KCNC2: variants seen among roughly 807,000 people sequenced by gnomAD.
KCNC2 encodes voltage-gated potassium channel KCNC2.
A neutral mutation model predicts 44.5 loss-of-function variants in KCNC2; 21 were observed. The observed-to-expected ratio is 0.47, with a 90% CI of 0.33 to 0.68. KCNC2 has a LOEUF of 0.68. KCNC2 is among the 30% of genes least tolerant of loss of function. The probability of loss-of-function intolerance (pLI) is 0.01; values close to 1 mark genes in which losing one functional copy is unlikely to be tolerated. For synonymous variants in KCNC2, 391 were observed against 339.1 expected (o/e 1.15, Z -1.68); for missense variants, 589 against 826.2 (o/e 0.71, Z 3.52).
At chr12:75,142,453 A>C (rs1032483399) in intron 2 of KCNC2, among the ~76,000 whole-genome samples, 1 of 152,220 alleles carries the variant, frequency 6.6e-6, no homozygotes, top group African/African-American at 2.4e-5. Flanking sequence ...GGTGTCACTG[A>C]TAACTATCAT....
chr12:75,104,063 C>A (rs1028644401), intron 2 of KCNC2, among the ~76,000 whole-genome samples: 1 of 147,692 alleles, frequency 6.8e-6, no homozygotes, highest in Non-Finnish European at 1.5e-5. Flanking sequence ...ATCATCGAGC[C>A]ATGACAATGT....
intron 2 of KCNC2, among the ~76,000 whole-genome samples, chr12:75,150,972 A>G (rs1890350099): frequency 6.6e-6 from 1 of 151,890 alleles, no homozygotes; most frequent in Non-Finnish European, 1.5e-5. Flanking sequence ...ATCTGCTTCC[A>G]TTAGTATGGT....
At chr12:75,160,444 T>C (rs1161663994) in intron 2 of KCNC2, among the ~76,000 whole-genome samples, 3 of 151,804 alleles carry the variant, frequency 2.0e-5, no homozygotes, top group Non-Finnish European at 4.4e-5. Flanking sequence ...AAACAGGCAA[T>C]GATGTCAATA....
At chr12:75,064,061 A>C (rs1297357863) in intron 2 of KCNC2, among the ~76,000 whole-genome samples, 1 of 152,126 alleles carries the variant, frequency 6.6e-6, no homozygotes, top group Admixed American at 6.6e-5. Flanking sequence ...ATGAGAATAC[A>C]ATGAAAAGAT....
At chr12:75,148,971 G>A (rs1461710911) in intron 2 of KCNC2, among the ~76,000 whole-genome samples, 1 of 150,342 alleles carries the variant, frequency 6.7e-6, no homozygotes, top group Non-Finnish European at 1.5e-5. Flanking sequence ...ATGTAAATGA[G>A]TGTGAGCATC....
intron 2 of KCNC2, among the ~76,000 whole-genome samples, chr12:75,101,531 A>T (rs1300744203): frequency 6.6e-6 from 1 of 152,136 alleles, no homozygotes; most frequent in Non-Finnish European, 1.5e-5. Flanking sequence ...GAGCATAAAG[A>T]AACCTTGATT....
chr12:75,050,555 T>C lies in KCNC2; in HGVS notation c.1450A>G (p.Met484Val). 1 of 1,613,646 alleles carries C rather than the reference T, an allele frequency of 6.2e-7. No individual in the cohort carries two copies. Among genetic ancestry groups the C allele is most frequent in the Non-Finnish European group, 8.5e-7 (1 of 1,179,808 alleles). The change falls in exon 3 of 5, where the codon ATG becomes GTG. Residue 484 changes from methionine (M) to valine (V), a missense_variant. Met to Val is a conservative substitution (Grantham distance 21). Coordinates refer to ENST00000549446, the MANE Select transcript of KCNC2 (RefSeq NM_139137.4). ...NNFGMYYSLA[M>V]AKQKLPRKRK... is the part of the protein sequence containing the mutation. ...TTCCTTGGAAGTTTCTGCTTTGCCA[T>C]TGCCAAGGAGTAGTACATTCCAAAA...
chr12:75,094,293 TA>T (rs1322533377), intron 2 of KCNC2, among the ~76,000 whole-genome samples: 1 of 151,730 alleles, frequency 6.6e-6, no homozygotes, highest in African/African-American at 2.4e-5. Context: ...CATCAGCTAA[TA>T]TTTTAGAAAT....
At chr12:75,067,171 C>T (rs1882913550) in intron 2 of KCNC2, among the ~76,000 whole-genome samples, 1 of 152,044 alleles carries the variant, frequency 6.6e-6, no homozygotes, top group East Asian at 1.9e-4. Flanking sequence ...CACTGCATTC[C>T]AGTCTGGGTG....
intron 2 of KCNC2, among the ~76,000 whole-genome samples, chr12:75,124,599 T>C (rs187668431): frequency 4.6e-5 from 7 of 152,268 alleles, no homozygotes; most frequent in Admixed American, 4.6e-4. Context: ...TAAAGAAGGA[T>C]TAAGATATAA....
chr12:75,089,852 G>A (rs1471751422), intron 2 of KCNC2, among the ~76,000 whole-genome samples: 2 of 151,672 alleles, frequency 1.3e-5, no homozygotes, highest in African/African-American at 4.8e-5. Flanking sequence ...CATTTCAAGC[G>A]CTCAACAAAC....
chr12:75,086,672 AAAAAAAAAAATATATAT>A (rs1339729286), intron 2 of KCNC2, among the ~76,000 whole-genome samples: 2 of 87,490 alleles, frequency 2.3e-5, no homozygotes, highest in Admixed American at 1.3e-4. Context: ...AAAAAAAAAA[AAAAAAAAAAATATATAT>A]ATATATATAT....
intron 2 of KCNC2, among the ~76,000 whole-genome samples, chr12:75,152,791 G>A (rs1565896042): frequency 6.6e-6 from 1 of 151,938 alleles, no homozygotes; most frequent in Non-Finnish European, 1.5e-5. Context: ...TTGTTTCAGG[G>A]AGAAGACTCA....
intron 2 of KCNC2, among the ~76,000 whole-genome samples, chr12:75,091,036 A>G (rs1378454673): frequency 2.0e-5 from 3 of 151,734 alleles, no homozygotes; most frequent in Non-Finnish European, 4.4e-5. Flanking sequence ...TCAATGCTGT[A>G]CATAATCTTA....
intron 2 of KCNC2, among the ~76,000 whole-genome samples, chr12:75,081,408 ATTTTTTTT>A (rs34651267): frequency 3.1e-5 from 4 of 130,466 alleles, no homozygotes; most frequent in Non-Finnish European, 6.6e-5. Flanking sequence ...TTAAACATTC[ATTTTTTTT>A]TTTTTTTTTG....
At chr12:75,072,049 G>T (rs1250114114) in intron 2 of KCNC2, among the ~76,000 whole-genome samples, 1 of 149,178 alleles carries the variant, frequency 6.7e-6, no homozygotes, top group Non-Finnish European at 1.5e-5. Flanking sequence ...CAGTATGCAA[G>T]TTCAAATGCA....
intron 2 of KCNC2, among the ~76,000 whole-genome samples, chr12:75,072,628 G>A (rs1883530694): frequency 6.6e-6 from 1 of 151,742 alleles, no homozygotes; most frequent in Non-Finnish European, 1.5e-5. Flanking sequence ...AATCAAGTAA[G>A]TCCCATATAA....
intron 2 of KCNC2, among the ~76,000 whole-genome samples, chr12:75,112,146 A>G (rs1887306412): frequency 6.6e-6 from 1 of 152,048 alleles, no homozygotes; most frequent in East Asian, 1.9e-4. Flanking sequence ...TAATGTGAAA[A>G]ATACAAAAAT....
Position 75,042,939 on chromosome 12 carries a change from A to C in KCNC2, c.*166T>G. 7.1e-7 allele frequency: 1 copy of C among 1,408,280 alleles called. No individual in the cohort carries two copies. Among genetic ancestry groups the C allele is most frequent in the Non-Finnish European group, 9.2e-7 (1 of 1,082,922 alleles). 87.2% of individuals were successfully genotyped at this position (1,408,280 alleles called of 1,614,324 possible). A position where few individuals can be genotyped will look rare whatever the true frequency, so the allele number is the denominator to read the frequency against. ...AATCTTTAAAGCCTGGGTAAGATTC[A>C]TTAGCTACCCAAGTGGCATTTCTGA... On this transcript the variant is annotated 3_prime_UTR_variant, in exon 5 of 5. Transcript: ENST00000549446.
Sources: allele counts gnomAD v4.1 joint callset (sites outside exome capture counted in the v4.1 genomes callset), GRCh38; gene constraint gnomAD v4.1.1; transcripts MANE v1.5; gene names NCBI Gene and HGNC (gene_info 2026-07-23, HGNC 2026-07-21).